TMEM87A: variants seen among roughly 807,000 people sequenced by gnomAD.
The protein encoded by TMEM87A is Golgi-pH regulating cation channel.
TMEM87A carries 50 observed loss-of-function variants against 90.0 expected under a neutral mutation model. The observed-to-expected ratio is 0.56, with a 90% CI of 0.44 to 0.70. The LOEUF (loss-of-function observed/expected upper bound fraction) is 0.70. Ranked by LOEUF, TMEM87A falls within the 30% of genes least tolerant of loss-of-function variation. TMEM87A has a pLI of 0.00. For synonymous variants in TMEM87A, 226 were observed against 226.7 expected (o/e 1.00, Z 0.03); for missense variants, 577 against 660.5 (o/e 0.87, Z 1.39).
Position 42,244,110 on chromosome 15 carries a change from T to C in TMEM87A, c.562A>G (p.Ile188Val). The change falls in exon 7 of 20, where the codon ATT (isoleucine) becomes GTT (valine). Residue 188 changes from isoleucine to valine, a missense_variant. Physicochemically the swap from Ile to Val is conservative, Grantham distance 29 (BLOSUM62 3). Transcript: ENST00000389834. ...GATTCCTTTGAGGATGAAATGCCAATATGTACAATAAAAATGTATGGTGCA... is the reference window on the plus strand; with the variant it reads ...GATTCCTTTGAGGATGAAATGCCAACATGTACAATAAAAATGTATGGTGCA... ...QDAPYIFIVH[I>V]GISSSKESSK... The C allele has an allele frequency of 6.3e-7, 1 of 1,581,184 alleles. No homozygotes were observed. The highest frequency in any genetic ancestry group is 1.4e-5 in the African/African-American group (1 of 72,820).
rs1305401918 is a variant in TMEM87A at position 42,211,559 on chromosome 15, A to G, written c.*149T>C. The stretch of plus-strand genomic sequence containing the variant: ...AGTAAGATGTTCTCTTTGTTCTGAC[A>G]CCTCTCGCCAACTCCAATGCCCAAA... On this transcript the variant is annotated 3_prime_UTR_variant, in exon 20 of 20. Transcript: ENST00000389834. 12 of 710,080 alleles carry G rather than the reference A, an allele frequency of 1.7e-5. No individual in the cohort carries two copies. Among genetic ancestry groups the G allele is most frequent in the Non-Finnish European group, 2.6e-5 (11 of 427,356 alleles). 44.0% of individuals were successfully genotyped at this position (710,080 alleles called of 1,614,324 possible).
At chr15:42,227,652 T>C (rs1447274303) in intron 14 of TMEM87A, 59 bp downstream of exon 14, 5 of 1,496,330 alleles carry the variant, frequency 3.3e-6, no homozygotes, top group Non-Finnish European at 4.7e-6. Context: ...ACCACTGTCA[T>C]CAACACCATC....
chr15:42,264,699 A>ATATATATATATATATATTTTTTT (rs10681614), intron 3 of TMEM87A, among the ~76,000 whole-genome samples: 3 of 109,424 alleles, frequency 2.7e-5, no homozygotes, highest in East Asian at 2.9e-4. Flanking sequence ...ATATATATAT[A>ATATATATATATATATATTTTTTT]TTTTTTTTTT....
intron 11 of TMEM87A, chr15:42,232,937 G>GAA: frequency 4.8e-6 from 1 of 208,688 alleles, no homozygotes; most frequent in East Asian, 1.1e-4. Context: ...ATTAGAAAAA[G>GAA]AAAAAAAAAT....
chr15:42,250,524 T>C (rs961896572), intron 6 of TMEM87A, among the ~76,000 whole-genome samples: 2 of 152,216 alleles, frequency 1.3e-5, no homozygotes, highest in Non-Finnish European at 1.5e-5. Flanking sequence ...CCTTCACTTA[T>C]GAAGCTTAGT....
rs1056717882 is a variant in TMEM87A, at chr15:42,211,704, T to C, written c.*4A>G. On this transcript the variant is annotated 3_prime_UTR_variant, in exon 20 of 20. Coordinates refer to ENST00000389834, the MANE Select transcript of TMEM87A (RefSeq NM_015497.5). ...CCATCTTTAACTGCAAATCTTCCCA[T>C]TCCTTACTCCATTTTGGACCTTTCA... 7 of 1,613,328 alleles carry C rather than the reference T, an allele frequency of 4.3e-6. No homozygotes were observed. The highest frequency in any genetic ancestry group is 3.3e-5 in the Admixed American group (2 of 59,872).
chr15:42,232,584 C>T (rs970391556), intron 11 of TMEM87A, among the ~76,000 whole-genome samples: 2 of 152,132 alleles, frequency 1.3e-5, no homozygotes, highest in African/African-American at 4.8e-5. Flanking sequence ...CACCATTCTC[C>T]TGCCTCAGTC....
Position 42,268,009 on chromosome 15 carries a change from ACAG to A in TMEM87A, c.226_228del (p.Leu76del). 6.2e-7 allele frequency: 1 copy of A among 1,613,400 alleles called. No homozygotes were observed. The highest frequency in any genetic ancestry group is 1.3e-5 in the African/African-American group (1 of 75,046). On this transcript the variant is annotated inframe_deletion, in exon 3 of 20. Transcript: ENST00000389834. The stretch of plus-strand genomic sequence containing the variant: ...TTCAGATACCAGGTTATATTCAAAG[ACAG>A]GTCACAAGGTTCTCCATCAACTACA...
At chr15:42,237,335 A>C (rs1460386083) in intron 9 of TMEM87A, 97 bp downstream of exon 9, 2 of 1,183,844 alleles carry the variant, frequency 1.7e-6, no homozygotes. Context: ...AAGTAATTGA[A>C]AAGTTAAGCC....
intron 18 of TMEM87A, 132 bp downstream of exon 18, chr15:42,218,191 G>T: frequency 2.2e-6 from 2 of 909,848 alleles, no homozygotes; most frequent in Non-Finnish European, 3.3e-6. Context: ...TTTTGTTTGC[G>T]GATTATTCCT....
chr15:42,236,440 A>C, intron 9 of TMEM87A, 21 bp from the exon 10 acceptor site: 1 of 1,608,494 alleles, frequency 6.2e-7, no homozygotes. Context: ...GAAGGGAAGA[A>C]ATGGCACCAT....
At chr15:42,221,563 T>C (rs1216074363) in intron 15 of TMEM87A, among the ~76,000 whole-genome samples, 1 of 152,054 alleles carries the variant, frequency 6.6e-6, no homozygotes, top group African/African-American at 2.4e-5. Context: ...AATTAAGCAA[T>C]CTAAAATTTT....
chr15:42,248,746 T>A (rs577361883), intron 6 of TMEM87A, among the ~76,000 whole-genome samples: 1 of 152,148 alleles, frequency 6.6e-6, no homozygotes, highest in African/African-American at 2.4e-5. Flanking sequence ...AAAATTCTCT[T>A]TTTTTTGTTG....
intron 6 of TMEM87A, among the ~76,000 whole-genome samples, chr15:42,252,834 C>T (rs531477260): frequency 3.9e-5 from 6 of 152,086 alleles, no homozygotes; most frequent in East Asian, 1.9e-4. Context: ...TGTAAATATG[C>T]CATACGTTGT....
In TMEM87A at chr15:42,264,113, A is replaced by T; in HGVS notation, c.382T>A (p.Cys128Ser). The change falls in exon 4 of 20, where the codon TGC (cysteine) becomes AGC (serine). Residue 128 changes from cysteine to serine, a missense_variant. Coordinates refer to ENST00000389834, the MANE Select transcript of TMEM87A (RefSeq NM_015497.5). ...ACCTGTGTTTTAAAGAGTTCACTGC[A>T]GTTCTGGAACAATTTTGATGATGTT... The part of the protein sequence containing the change: ...YQTSSKLFQN[C>S]SELFKTQTFS... 1 of 1,613,396 alleles carries T rather than the reference A, an allele frequency of 6.2e-7. No individual in the cohort carries two copies. The highest frequency in any genetic ancestry group is 8.5e-7 in the Non-Finnish European group (1 of 1,179,664).
intron 3 of TMEM87A, among the ~76,000 whole-genome samples, chr15:42,265,558 T>G (rs1327092397): frequency 6.6e-6 from 1 of 152,214 alleles, no homozygotes; most frequent in Non-Finnish European, 1.5e-5. Context: ...GGGTTGTTTT[T>G]TGCATATAAA....
intron 10 of TMEM87A, among the ~76,000 whole-genome samples, chr15:42,235,429 C>A (rs2050753190): frequency 6.6e-6 from 1 of 152,202 alleles, no homozygotes; most frequent in Non-Finnish European, 1.5e-5. Flanking sequence ...ACTTAGTTAT[C>A]TAATTCAACT....
intron 10 of TMEM87A, among the ~76,000 whole-genome samples, chr15:42,235,317 C>A (rs958614637): frequency 6.6e-6 from 1 of 152,260 alleles, no homozygotes; most frequent in East Asian, 1.9e-4. Context: ...AGGATTATGG[C>A]GTAAGCCACC....
At chr15:42,261,073 C>T in intron 5 of TMEM87A, 71 bp from the exon 6 acceptor site, 10 of 1,553,810 alleles carry the variant, frequency 6.4e-6, no homozygotes, top group Non-Finnish European at 8.8e-6. Flanking sequence ...GTTCCTGTAG[C>T]CACTGGGGAA....
Sources: allele counts gnomAD v4.1 joint callset (sites outside exome capture counted in the v4.1 genomes callset), GRCh38; gene constraint gnomAD v4.1.1; transcripts MANE v1.5; gene names NCBI Gene and HGNC (gene_info 2026-07-23, HGNC 2026-07-21).